The following NFE2L2 variants were observed in gnomAD, a reference collection of about 807,000 sequenced individuals.
The protein encoded by NFE2L2 is NFE2 like bZIP transcription factor 2, also known as nuclear factor erythroid 2-related factor 2.
Under a neutral mutation model 49.6 loss-of-function variants are expected in NFE2L2, and 20 were observed. That is an observed-to-expected ratio of 0.40 (90% confidence interval 0.28 to 0.59). The LOEUF (loss-of-function observed/expected upper bound fraction) is 0.59, where lower values mean the gene tolerates loss of function less well. Ranked by LOEUF, NFE2L2 falls within the 20% of genes least tolerant of loss-of-function variation. The pLI, the probability that NFE2L2 is intolerant of heterozygous loss-of-function variation, is 0.40. For synonymous variants in NFE2L2, 244 were observed against 256.5 expected, an observed-to-expected ratio of 0.95 and a Z score of 0.47; for missense variants, 578 against 714.2, an observed-to-expected ratio of 0.81 and a Z score of 2.17.
At chr2:177,246,309 T>C (rs1010511702) in intron 1 of NFE2L2, among the ~76,000 whole-genome samples, 3 of 152,224 alleles carry the variant, frequency 2.0e-5, no homozygotes, top group Admixed American at 2.0e-4. Flanking sequence ...CCCCATACTT[T>C]GTATGTCTTA....
intron 3 of NFE2L2, 33 bp from the exon 4 acceptor site, chr2:177,232,616 T>A: frequency 6.2e-7 from 1 of 1,603,662 alleles, no homozygotes; most frequent in Non-Finnish European, 8.5e-7. Context: ...TTATGAGTCT[T>A]CCACCAACAG....
chr2:177,233,790 T>A (rs1434257405), intron 2 of NFE2L2: 1 of 629,560 alleles, frequency 1.6e-6, no homozygotes, highest in African/African-American at 1.8e-5. Context: ...ACTTAAGTCT[T>A]CCCAATCCTC....
At chr2:177,249,217 C>CACAA (rs1553490246) in intron 1 of NFE2L2, among the ~76,000 whole-genome samples, 1 of 145,942 alleles carries the variant, frequency 6.9e-6, no homozygotes, top group Non-Finnish European at 1.5e-5. Context: ...ACCCGGTCTC[C>CACAA]ATAAATAAAT....
Position 177,264,531 on chromosome 2 carries a change from C to G in NFE2L2, c.45+1G>C. 1 of 1,525,484 alleles carries G rather than the reference C, an allele frequency of 6.6e-7. No homozygotes were observed. Among genetic ancestry groups the G allele is most frequent in the Non-Finnish European group, 8.8e-7 (1 of 1,135,424 alleles). 94.5% of individuals were successfully genotyped at this position (1,525,484 alleles called of 1,614,324 possible). On this transcript the variant is annotated splice_donor_variant, in intron 1 of 4. Coordinates refer to ENST00000397062, the MANE Select transcript of NFE2L2 (RefSeq NM_006164.5). LOFTEE classifies it high-confidence loss of function. ...CAGGGCCCAGAGGGCCGAGGCAGCA[C>G]CTGCTGGGACGGGAGTCCCGGCGGC...
intron 1 of NFE2L2, among the ~76,000 whole-genome samples, chr2:177,244,302 CAA>C (rs771725061): frequency 2.6e-5 from 3 of 115,942 alleles, no homozygotes; most frequent in Admixed American, 8.7e-5. Context: ...AACTCTGTCT[CAA>C]AAAAAAAAAA....
chr2:177,253,436 A>C (rs1690410543), intron 1 of NFE2L2, among the ~76,000 whole-genome samples: 2 of 152,226 alleles, frequency 1.3e-5, no homozygotes, highest in Non-Finnish European at 2.9e-5. Flanking sequence ...GAGGAGACAC[A>C]GAGGAGCAAT....
At chr2:177,251,876 C>T (rs909591339) in intron 1 of NFE2L2, among the ~76,000 whole-genome samples, 4 of 151,566 alleles carry the variant, frequency 2.6e-5, no homozygotes, top group East Asian at 1.9e-4. Context: ...CGTGGTGGCC[C>T]GTGCCTGTAG....
rs116627712 is a variant in NFE2L2, at chr2:177,257,602, C to T, written c.45+6930G>A. On this transcript the variant is annotated intron_variant, in intron 1 of 4. Coordinates refer to ENST00000397062, the MANE Select transcript of NFE2L2 (RefSeq NM_006164.5). ...ACCAGATTTTCTAAATCACTATATA[C>T]TTCAATGGATACCAAGCACTGAGGT... is the stretch of plus-strand genomic sequence containing the variant. Among the ~76,000 whole-genome samples the T allele has an allele frequency of 3.4e-3, 523 of 152,344 alleles. 3 individuals are homozygous for T. Among genetic ancestry groups the T allele is most frequent in the African/African-American group, 0.012 (498 of 41,574 alleles).
chr2:177,256,499 CA>C (rs35073132), intron 1 of NFE2L2, among the ~76,000 whole-genome samples: 5,421 of 75,010 alleles, frequency 0.072, 123 homozygotes, highest in African/African-American at 0.2. Flanking sequence ...TACATTCTTG[CA>C]AAAAAAAAAA....
At chr2:177,233,381 A>T (rs1323301621) in intron 2 of NFE2L2, 42 bp from the exon 3 acceptor site, 1 of 1,432,712 alleles carries the variant, frequency 7.0e-7, no homozygotes, top group East Asian at 2.3e-5. Context: ...AAAATGGTTA[A>T]ATATTCCATT....
Position 177,264,645 on chromosome 2 carries a change from G to T in NFE2L2, c.-69C>A. ...TGTTCCGGCTGCCGAGGCGCGGCGC[G>T]GACAGGGCGGCTCTGGTGGCGGCGG... On this transcript the variant is annotated 5_prime_UTR_variant, in exon 1 of 5. Coordinates refer to ENST00000397062, the MANE Select transcript of NFE2L2 (RefSeq NM_006164.5). The T allele has an allele frequency of 7.3e-7, 1 of 1,365,266 alleles. No homozygotes were observed. Among genetic ancestry groups the T allele is most frequent in the Non-Finnish European group, 9.6e-7 (1 of 1,044,652 alleles). The allele number at this position is 1,365,266 out of a possible 1,614,324, so 84.6% of individuals were successfully genotyped here. A position where few individuals can be genotyped will look rare whatever the true frequency, so the allele number is the denominator to read the frequency against.
At chr2:177,239,717 T>G (rs183803382) in intron 1 of NFE2L2, among the ~76,000 whole-genome samples, 20 of 151,792 alleles carry the variant, frequency 1.3e-4, no homozygotes, top group Admixed American at 1.2e-3. Flanking sequence ...CTATGAGAGG[T>G]CTCAAAACAA....
intron 2 of NFE2L2, chr2:177,233,711 C>A: frequency 1.9e-6 from 1 of 528,876 alleles, no homozygotes; most frequent in South Asian, 2.4e-5. Flanking sequence ...GGTTCTCCTG[C>A]TACTACTTCT....
At position 177,234,021 on chromosome 2, in the gene NFE2L2, G is replaced by C. The variant is rs2105458159; in HGVS notation, c.296C>G (p.Ser99Cys). The C allele has an allele frequency of 1.2e-6, 2 of 1,614,214 alleles. No individual in the cohort carries two copies. The highest frequency in any genetic ancestry group is 2.7e-5 in the African/African-American group (2 of 75,058). Reference protein sequence around the residue: ...AQHIQSETSGSANYSQVAHIP... With the variant: ...AQHIQSETSGCANYSQVAHIP... Reference sequence around the variant, plus strand: ...ACTCTGTACCTGGGAGTAGTTGGCAGATCCACTGGTTTCTGACTGGATGTG... The same window carrying C: ...ACTCTGTACCTGGGAGTAGTTGGCACATCCACTGGTTTCTGACTGGATGTG... The change falls in exon 2 of 5, where the codon TCT becomes TGT. Residue 99 changes from serine to cysteine, a missense_variant. Physicochemically the swap from Ser to Cys is moderately radical, Grantham distance 112. Around this residue, in one of 3 missense-constraint regions of NFE2L2, gnomAD observed 93 missense variants for 153.9 expected, o/e 0.60. Coordinates refer to ENST00000397062, the MANE Select transcript of NFE2L2 (RefSeq NM_006164.5).
At chr2:177,256,880 G>A (rs946430828) in intron 1 of NFE2L2, among the ~76,000 whole-genome samples, 3 of 152,178 alleles carry the variant, frequency 2.0e-5, no homozygotes, top group African/African-American at 7.2e-5. Context: ...CACCATCTGT[G>A]GGGTGGGTGT....
intron 1 of NFE2L2, among the ~76,000 whole-genome samples, chr2:177,235,045 A>C (rs1574261294): frequency 6.6e-6 from 1 of 151,098 alleles, no homozygotes; most frequent in African/African-American, 2.4e-5. Context: ...TGAACCTGGG[A>C]GGCAGAGGTT....
intron 1 of NFE2L2, among the ~76,000 whole-genome samples, chr2:177,262,889 G>C (rs1019023870): frequency 3.9e-5 from 6 of 152,144 alleles, no homozygotes; most frequent in African/African-American, 1.4e-4. Context: ...TTCTTCACTA[G>C]TTGGAACCAG....
chr2:177,240,718 A>G (rs1451262895), intron 1 of NFE2L2, among the ~76,000 whole-genome samples: 1 of 152,210 alleles, frequency 6.6e-6, no homozygotes, highest in Admixed American at 6.5e-5. Context: ...TTTAAAACAA[A>G]CATCTTTGTA....
At chr2:177,260,788 G>C (rs1227782958) in intron 1 of NFE2L2, among the ~76,000 whole-genome samples, 1 of 115,498 alleles carries the variant, frequency 8.7e-6, no homozygotes, top group Non-Finnish European at 2.1e-5. Context: ...GTAGCTAAGA[G>C]ATTTAATTAA....
Sources: gnomAD v4.1 joint callset for allele counts (sites outside exome capture counted in the v4.1 genomes callset) on GRCh38, gnomAD v4.1.1 for gene constraint, gnomAD v4.1.1 regional missense constraint, MANE v1.5 for transcripts, NCBI Gene and HGNC (gene_info 2026-07-23, HGNC 2026-07-21) for gene names.